ELAVL4: variants seen among roughly 807,000 people sequenced by gnomAD.
ELAVL4 encodes the protein ELAV-like protein 4.
Under a neutral mutation model 35.6 loss-of-function variants are expected in ELAVL4, and 1 was observed. The observed-to-expected ratio is 0.03, with a 90% CI of 0.01 to 0.13. ELAVL4 has a LOEUF of 0.13. Among genes scored for constraint, ELAVL4 ranks in the 10% least tolerant of loss-of-function variants. The pLI, the probability that ELAVL4 is intolerant of heterozygous loss-of-function variation, is 1.00. For missense variants in ELAVL4, 267 were observed against 464.9 expected, an observed-to-expected ratio of 0.57 and a Z score of 3.91; for synonymous variants, 156 against 171.0, an observed-to-expected ratio of 0.91 and a Z score of 0.69.
chr1:50,061,046 C>A (rs34912640), intron 1 of ELAVL4, among the ~76,000 whole-genome samples: 9,764 of 152,256 alleles, frequency 0.064, 425 homozygotes, highest in Non-Finnish European at 0.095. Flanking sequence ...TTCCGTGATA[C>A]CTCTTGAGAT....
At chr1:50,075,799 C>G (rs1300783090) in intron 1 of ELAVL4, among the ~76,000 whole-genome samples, 2 of 152,008 alleles carry the variant, frequency 1.3e-5, no homozygotes, top group African/African-American at 4.8e-5. Flanking sequence ...TGCTTTTTGA[C>G]TTATGATATA....
intron 1 of ELAVL4, among the ~76,000 whole-genome samples, chr1:50,091,217 G>T (rs1665478150): frequency 6.6e-6 from 1 of 152,148 alleles, no homozygotes; most frequent in South Asian, 2.1e-4. Flanking sequence ...GAGATTTTTA[G>T]CACGCACGCT....
At chr1:50,119,606 G>T (rs1327964760) in intron 1 of ELAVL4, among the ~76,000 whole-genome samples, 1 of 151,982 alleles carries the variant, frequency 6.6e-6, no homozygotes, top group Non-Finnish European at 1.5e-5. Flanking sequence ...GCTTTAGTAA[G>T]AACTATTAAA....
chr1:50,058,676 C>T (rs916765047), intron 1 of ELAVL4, among the ~76,000 whole-genome samples: 4 of 151,396 alleles, frequency 2.6e-5, no homozygotes, highest in Non-Finnish European at 2.9e-5. Context: ...TACAGTGGCA[C>T]GATCAGGACT....
intron 2 of ELAVL4, among the ~76,000 whole-genome samples, chr1:50,156,525 G>A (rs749897616): frequency 2.0e-5 from 3 of 152,180 alleles, no homozygotes; most frequent in Non-Finnish European, 4.4e-5. Context: ...TTCCAAGTAG[G>A]AAGTAGGAGA....
At chr1:50,070,824 A>ACT (rs938809739) in intron 1 of ELAVL4, among the ~76,000 whole-genome samples, 1 of 152,130 alleles carries the variant, frequency 6.6e-6, no homozygotes. Flanking sequence ...TTAGGCTTCA[A>ACT]CTTTTTGCTT....
intron 1 of ELAVL4, among the ~76,000 whole-genome samples, chr1:50,069,414 G>A (rs1664411777): frequency 6.6e-6 from 1 of 152,124 alleles, no homozygotes; most frequent in African/African-American, 2.4e-5. Context: ...AAATCCAAAG[G>A]CTGTTTTTTA....
intron 1 of ELAVL4, among the ~76,000 whole-genome samples, chr1:50,125,773 A>G (rs919458911): frequency 1.3e-5 from 2 of 152,044 alleles, no homozygotes; most frequent in African/African-American, 4.8e-5. Flanking sequence ...GCCTGAACCT[A>G]GAAGGTGAGT....
chr1:50,164,025 G>T (rs532300056), intron 2 of ELAVL4, among the ~76,000 whole-genome samples: 2 of 152,186 alleles, frequency 1.3e-5, no homozygotes, highest in Non-Finnish European at 2.9e-5. Context: ...GGCCGTAATG[G>T]GCCTTAATTT....
chr1:50,171,606 G>A (rs1055467261), intron 2 of ELAVL4, among the ~76,000 whole-genome samples: 1 of 152,188 alleles, frequency 6.6e-6, no homozygotes, highest in Non-Finnish European at 1.5e-5. Context: ...AATCTTCACA[G>A]TGATACTTTG....
At chr1:50,110,057 G>T in intron 1 of ELAVL4, 2 of 1,477,026 alleles carry the variant, frequency 1.4e-6, no homozygotes, top group Non-Finnish European at 1.9e-6. Flanking sequence ...AAGGATGCTG[G>T]ACTGTGCATC....
intron 2 of ELAVL4, among the ~76,000 whole-genome samples, chr1:50,146,154 GTTT>G (rs11352967): frequency 6.8e-6 from 1 of 147,520 alleles, no homozygotes; most frequent in African/African-American, 2.5e-5. Context: ...CTGTCCTAGA[GTTT>G]TTTTTTTTTT....
chr1:50,086,479 TA>T (rs1665248705), intron 1 of ELAVL4, among the ~76,000 whole-genome samples: 1 of 35,214 alleles, frequency 2.8e-5, no homozygotes, highest in Non-Finnish European at 8.9e-5. Flanking sequence ...TCAGCTTTTA[TA>T]TATATATATA....
At chr1:50,055,142 C>A (rs1402888527) in intron 1 of ELAVL4, among the ~76,000 whole-genome samples, 5 of 152,116 alleles carry the variant, frequency 3.3e-5, no homozygotes, top group African/African-American at 7.2e-5. Flanking sequence ...GAGACCCTGA[C>A]CAAGACACCA....
intron 1 of ELAVL4, among the ~76,000 whole-genome samples, chr1:50,053,533 A>G (rs1188914772): frequency 6.6e-6 from 1 of 152,056 alleles, no homozygotes; most frequent in Non-Finnish European, 1.5e-5. Flanking sequence ...ATTTTTTTGT[A>G]GAGACAGGGT....
intron 2 of ELAVL4, among the ~76,000 whole-genome samples, chr1:50,168,963 T>TATAC (rs886428027): frequency 4.1e-5 from 6 of 147,880 alleles, no homozygotes; most frequent in South Asian, 2.1e-4. Context: ...TATATATATA[T>TATAC]ACACACACAC....
chr1:50,101,743 C>A (rs1330375959), upstream of ELAVL4, among the ~76,000 whole-genome samples: 1 of 151,762 alleles, frequency 6.6e-6, no homozygotes, highest in Admixed American at 6.6e-5. Flanking sequence ...CCTATCTCTA[C>A]CAAAAAAGAA....
intron 1 of ELAVL4, among the ~76,000 whole-genome samples, chr1:50,092,225 C>T (rs1221327986): frequency 6.6e-6 from 1 of 152,110 alleles, no homozygotes; most frequent in Non-Finnish European, 1.5e-5. Flanking sequence ...ATTGGAAACA[C>T]AAAAAGAGCA....
chr1:50,076,195 C>G (rs1664755490), intron 1 of ELAVL4, among the ~76,000 whole-genome samples: 1 of 152,116 alleles, frequency 6.6e-6, no homozygotes, highest in Non-Finnish European at 1.5e-5. Flanking sequence ...ATATGTAGGC[C>G]ATGGGGAGAT....
Sources: allele counts gnomAD v4.1 joint callset (sites outside exome capture counted in the v4.1 genomes callset), GRCh38; gene constraint gnomAD v4.1.1; transcripts MANE v1.5; gene names NCBI Gene and HGNC (gene_info 2026-07-23, HGNC 2026-07-21).